The following RPTOR variants were observed in gnomAD, a reference collection of about 807,000 sequenced individuals.
The protein encoded by RPTOR is regulatory associated protein of MTOR complex 1.
A neutral mutation model predicts 169.9 loss-of-function variants in RPTOR; 21 were observed. The observed-to-expected ratio is 0.12, with a 90% CI of 0.09 to 0.18. RPTOR has a LOEUF of 0.18. Ranked by LOEUF, RPTOR falls within the 10% of genes least tolerant of loss-of-function variation. RPTOR has a pLI of 1.00. For missense variants in RPTOR, 1,133 were observed against 1,855.9 expected (o/e 0.61, Z 7.16); for synonymous variants, 732 against 753.2 (o/e 0.97, Z 0.46).
Position 80,754,292 on chromosome 17 carries a change from G to C in RPTOR, c.830+107G>C. 1 of 1,141,264 alleles carries C rather than the reference G, an allele frequency of 8.8e-7. No individual in the cohort carries two copies. Among genetic ancestry groups the C allele is most frequent in the South Asian group, 1.6e-5 (1 of 64,238 alleles). 70.7% of individuals were successfully genotyped at this position (1,141,264 alleles called of 1,614,324 possible). A position where few individuals can be genotyped will look rare whatever the true frequency, so the allele number is the denominator to read the frequency against. ...TTCACCTGGTCCCAGGAGCCCACGT[G>C]ACAGACATGAGTGTCCCCGCCTTCT... On this transcript the variant is annotated intron_variant, in intron 6 of 33. Coordinates refer to ENST00000306801, the MANE Select transcript of RPTOR (RefSeq NM_020761.3). This position sits in a 1 kb window ranked among gnomAD's most constrained non-coding sequence, Gnocchi z 4.2.
chr17:80,940,343 T>C (rs1299644903), intron 24 of RPTOR, 153 bp from the exon 25 acceptor site: 1 of 605,252 alleles, frequency 1.7e-6, no homozygotes, highest in Non-Finnish European at 2.9e-6. Flanking sequence ...GAGGATGTGT[T>C]CTGCTTGTAC....
At chr17:80,741,834 C>T (rs372133716) in intron 5 of RPTOR, among the ~76,000 whole-genome samples, 6 of 152,056 alleles carry the variant, frequency 3.9e-5, no homozygotes, top group South Asian at 2.1e-4. Context: ...GGCCTGCGTT[C>T]GGTGGTGTGT....
chr17:80,925,707 G>A (rs1365977474), intron 24 of RPTOR, among the ~76,000 whole-genome samples: 2 of 152,172 alleles, frequency 1.3e-5, no homozygotes, highest in Admixed American at 6.5e-5. Context: ...CAGTGTGACA[G>A]GTGTCACTTT....
In RPTOR at chr17:80,746,771, G is replaced by A. The variant is rs1326343454; in HGVS notation, c.655-7239G>A. Among the ~76,000 whole-genome samples, 2 of 152,138 alleles carry A rather than the reference G, an allele frequency of 1.3e-5. No individual in the cohort carries two copies. Among genetic ancestry groups the A allele is most frequent in the African/African-American group, 2.4e-5 (1 of 41,412 alleles). On this transcript the variant is annotated intron_variant, in intron 5 of 33. Transcript: ENST00000306801. The surrounding 1 kb of genome is among the most constrained non-coding windows in gnomAD (Gnocchi z 4.5). Reference sequence around the variant, plus strand: ...GTTTCTGAAAGATAGTTTCAATTACGGGGTCAATATCTTAGGTAGATGCAA... The same window carrying A: ...GTTTCTGAAAGATAGTTTCAATTACAGGGTCAATATCTTAGGTAGATGCAA...
At chr17:80,910,535 C>G (rs1469295426) in intron 21 of RPTOR, among the ~76,000 whole-genome samples, 2 of 152,280 alleles carry the variant, frequency 1.3e-5, no homozygotes, top group Admixed American at 6.5e-5. Context: ...TTCATCTGAC[C>G]TCGTCACGGC....
intron 4 of RPTOR, among the ~76,000 whole-genome samples, chr17:80,722,828 CCTCCTTGGT>C (rs1567875473): frequency 6.6e-6 from 1 of 151,294 alleles, no homozygotes; most frequent in African/African-American, 2.5e-5. Flanking sequence ...CCACACACAG[CCTCCTTGGT>C]GCCAGCAGCC....
At chr17:80,842,484 C>G (rs2067682310) in intron 10 of RPTOR, among the ~76,000 whole-genome samples, 1 of 152,210 alleles carries the variant, frequency 6.6e-6, no homozygotes, top group Admixed American at 6.5e-5. Flanking sequence ...CCATATTCAG[C>G]TTTAACAGAT....
chr17:80,736,696 C>T (rs1043173118), intron 5 of RPTOR, among the ~76,000 whole-genome samples: 3 of 152,196 alleles, frequency 2.0e-5, no homozygotes, highest in Non-Finnish European at 2.9e-5. Context: ...TGGAATTCTG[C>T]AGCAAAAGGC....
chr17:80,547,079 A>G (rs1042870643), intron 1 of RPTOR, among the ~76,000 whole-genome samples: 1 of 152,158 alleles, frequency 6.6e-6, no homozygotes, highest in South Asian at 2.1e-4. Context: ...AAAAATAAAT[A>G]AATAAATAAA....
chr17:80,885,288 T>G (rs2068232726), intron 17 of RPTOR, 140 bp downstream of exon 17: 2 of 1,060,566 alleles, frequency 1.9e-6, no homozygotes, highest in Non-Finnish European at 2.6e-6. Flanking sequence ...GATCTTTACA[T>G]GTTTCATTCT....
intron 7 of RPTOR, among the ~76,000 whole-genome samples, chr17:80,810,512 A>G (rs9915426): frequency 0.16 from 24,090 of 152,172 alleles, 1,994 homozygotes; most frequent in Middle Eastern, 0.22. Flanking sequence ...ATTGGCATAA[A>G]GATAGGAATA....
Position 80,681,652 on chromosome 17 carries a change from CCTTCATGAGGTGTACGTCTCTTACAG to C in RPTOR, c.349-26163_349-26138del, listed in dbSNP as rs1187478186. ...CTTCATGAGGTGTACGTCTCTTACA[CCTTCATGAGGTGTACGTCTCTTACAG>C]CTTCATGAGGTGTACGTCTCTTACA... On this transcript the variant is annotated intron_variant, in intron 3 of 33. Transcript: ENST00000306801. Among the ~76,000 whole-genome samples the C allele has an allele frequency of 5.5e-3, 221 of 40,346 alleles. 89 individuals carry two copies. Among genetic ancestry groups the C allele is most frequent in the African/African-American group, 0.012 (161 of 13,260 alleles). 26.5% of individuals were successfully genotyped at this position (40,346 alleles called of 152,430 possible).
chr17:80,610,844 C>T (rs533701581), intron 1 of RPTOR, among the ~76,000 whole-genome samples: 1 of 152,264 alleles, frequency 6.6e-6, no homozygotes, highest in African/African-American at 2.4e-5. Context: ...ATCTTAGACA[C>T]CAATTTAGCA....
chr17:80,812,340 G>T (rs1391162447), intron 7 of RPTOR, among the ~76,000 whole-genome samples: 2 of 146,476 alleles, frequency 1.4e-5, no homozygotes, highest in Non-Finnish European at 3.0e-5. Flanking sequence ...GTAATTACCT[G>T]TTTTTTTTTT....
chr17:80,910,351 G>C (rs1279507347), intron 21 of RPTOR, among the ~76,000 whole-genome samples: 2 of 152,186 alleles, frequency 1.3e-5, no homozygotes, highest in Non-Finnish European at 2.9e-5. Flanking sequence ...ATTTGTCCTG[G>C]TTTTCTAGTT....
intron 25 of RPTOR, among the ~76,000 whole-genome samples, chr17:80,944,381 T>A (rs2069072712): frequency 6.6e-6 from 1 of 152,250 alleles, no homozygotes; most frequent in South Asian, 2.1e-4. Flanking sequence ...TCATATAATC[T>A]GACCCAGATA....
intron 21 of RPTOR, among the ~76,000 whole-genome samples, chr17:80,920,729 T>C (rs1339115979): frequency 6.6e-6 from 1 of 152,262 alleles, no homozygotes; most frequent in African/African-American, 2.4e-5. Flanking sequence ...CGTCTGAGCA[T>C]GTGTGGGTTT....
Position 80,857,897 on chromosome 17 carries a change from C to T in RPTOR, c.1506C>T (p.Asp502=), listed in dbSNP as rs1417165119. 3 of 1,611,462 alleles carry T rather than the reference C, an allele frequency of 1.9e-6. No homozygotes were observed. Among genetic ancestry groups the T allele is most frequent in the East Asian group, 2.2e-5 (1 of 44,860 alleles). Reference sequence around the variant, plus strand: ...TCTGGGCCAAGATCCTCGCAGTGGACAGCGTGAGTATCCCCGCCCTCCTCC... The same window carrying T: ...TCTGGGCCAAGATCCTCGCAGTGGATAGCGTGAGTATCCCCGCCCTCCTCC... ...VFIWAKILAV[D]SSCQADLVKD... is the part of the protein sequence containing the mutation. The change falls in exon 13 of 34, where the codon GAC becomes GAT. Residue 502 remains aspartate, a synonymous_variant. Coordinates refer to ENST00000306801, the MANE Select transcript of RPTOR (RefSeq NM_020761.3).
intron 20 of RPTOR, among the ~76,000 whole-genome samples, chr17:80,906,287 G>A (rs148176580): frequency 5.8e-4 from 88 of 152,198 alleles, no homozygotes; most frequent in Non-Finnish European, 8.4e-4. Flanking sequence ...AGCCGGCTCC[G>A]CTGGGGTAGA....
Sources: gnomAD v4.1 joint callset for allele counts (sites outside exome capture counted in the v4.1 genomes callset) on GRCh38, gnomAD v4.1.1 for gene constraint, Gnocchi (gnomAD v3.1) non-coding constraint, MANE v1.5 for transcripts, NCBI Gene and HGNC (gene_info 2026-07-23, HGNC 2026-07-21) for gene names.